The following PIK3C2A variants were observed in gnomAD, a reference collection of about 807,000 sequenced individuals.
PIK3C2A encodes the protein phosphatidylinositol 4-phosphate 3-kinase C2 domain-containing subunit alpha.
PIK3C2A carries 97 observed loss-of-function variants against 204.5 expected under a neutral mutation model. That is an observed-to-expected ratio of 0.47 (90% CI 0.40 to 0.56). The LOEUF is 0.56. PIK3C2A is among the 20% of genes least tolerant of loss of function. The probability of loss-of-function intolerance (pLI) is 0.00; values close to 1 mark genes in which losing one functional copy is unlikely to be tolerated. For synonymous variants in PIK3C2A, 653 were observed against 664.4 expected, an observed-to-expected ratio of 0.98 and a Z score of 0.26; for missense variants, 1,735 against 1,969.2, an observed-to-expected ratio of 0.88 and a Z score of 2.25.
chr11:17,160,123 T>A (rs777171967), intron 2 of PIK3C2A, among the ~76,000 whole-genome samples: 1 of 152,204 alleles, frequency 6.6e-6, no homozygotes, highest in Non-Finnish European at 1.5e-5. Context: ...AACATAAAAT[T>A]AACCATCACA....
At chr11:17,182,297 A>G (rs1482053125) in intron 1 of PIK3C2A, among the ~76,000 whole-genome samples, 1 of 151,872 alleles carries the variant, frequency 6.6e-6, no homozygotes, top group Non-Finnish European at 1.5e-5. Context: ...AGAATAATCT[A>G]CTCTTGGCTG....
chr11:17,094,218 T>C (rs754435705), intron 28 of PIK3C2A, 43 bp downstream of exon 28: 1 of 1,479,794 alleles, frequency 6.8e-7, no homozygotes, highest in Non-Finnish European at 9.3e-7. Flanking sequence ...GATAACAAGT[T>C]GTTTCCTACA....
rs566048048 is a variant in PIK3C2A at position 17,167,139 on chromosome 11, T to A, written c.1065+1538A>T. ...GAGTATGCCATCACGCCCAGCTAATTTTTTTGTAATTGTGTTAGAGACAGG... is the reference window on the plus strand; with the variant it reads ...GAGTATGCCATCACGCCCAGCTAATATTTTTGTAATTGTGTTAGAGACAGG... On this transcript the variant is annotated intron_variant, in intron 2 of 32. Coordinates refer to ENST00000691414, the MANE Select transcript of PIK3C2A (RefSeq NM_002645.4). 1.6e-3 allele frequency among the ~76,000 whole-genome samples: 243 copies of A among 152,178 alleles called. 5 individuals carry two copies. The highest frequency in any genetic ancestry group is 0.013 in the Admixed American group (205 of 15,280).
rs374090887 is a variant in PIK3C2A, at chr11:17,089,800, C to G, written c.4999G>C (p.Asp1667His). 1.2e-6 allele frequency: 2 copies of G among 1,614,022 alleles called. No individual in the cohort carries two copies. Among genetic ancestry groups the G allele is most frequent in the Non-Finnish European group, 1.7e-6 (2 of 1,179,896 alleles). The change falls in exon 33 of 33, where the codon GAT (aspartate) becomes CAT (histidine). Residue 1667 changes from aspartate (D) to histidine (H), a missense_variant. Physicochemically the swap from Asp to His is moderately conservative, Grantham distance 81. Coordinates refer to ENST00000691414, the MANE Select transcript of PIK3C2A (RefSeq NM_002645.4). ...ACCGTCTCTTTGCTCAAGTTGAAAT[C>G]TTTCAAAGGCAGGGTTACTCCACCC... Reference protein sequence around the residue: ...FLGGVTLPLKDFNLSKETVKW... With the variant: ...FLGGVTLPLKHFNLSKETVKW...
At chr11:17,204,942 G>C (rs914466031) in intron 1 of PIK3C2A, among the ~76,000 whole-genome samples, 3 of 152,012 alleles carry the variant, frequency 2.0e-5, no homozygotes, top group Admixed American at 2.0e-4. Context: ...CTTTGGGAGG[G>C]CGAGGCGGGC....
rs546881331 is a variant in PIK3C2A at position 17,162,584 on chromosome 11, T to A, written c.1065+6093A>T. On this transcript the variant is annotated intron_variant, in intron 2 of 32. Transcript: ENST00000691414. ...GTGCCAATCACCAAGTTTCGGCCAA[T>A]CAAGGGTGGCCAACTGTTCAAAACC... Among the ~76,000 whole-genome samples, 3 of 152,282 alleles carry A rather than the reference T, an allele frequency of 2.0e-5. No individual in the cohort carries two copies. The South Asian group carries it at 6.2e-4, about 32-fold the overall frequency.
intron 25 of PIK3C2A, among the ~76,000 whole-genome samples, chr11:17,101,011 G>C (rs868270924): frequency 6.6e-6 from 1 of 152,054 alleles, no homozygotes; most frequent in African/African-American, 2.4e-5. Flanking sequence ...GCCTGCCTTG[G>C]GGTCCAGCTA....
At chr11:17,144,727 T>A (rs998911032) in intron 8 of PIK3C2A, among the ~76,000 whole-genome samples, 2 of 151,646 alleles carry the variant, frequency 1.3e-5, no homozygotes, top group African/African-American at 4.8e-5. Flanking sequence ...AAACCCCATC[T>A]CTACTAAAAA....
intron 2 of PIK3C2A, among the ~76,000 whole-genome samples, chr11:17,162,698 AC>A (rs1850817165): frequency 6.6e-6 from 1 of 152,122 alleles, no homozygotes; most frequent in African/African-American, 2.4e-5. Context: ...TCCTTTTCTG[AC>A]CATAAATCTT....
intron 2 of PIK3C2A, among the ~76,000 whole-genome samples, chr11:17,158,933 G>C (rs1235949296): frequency 6.6e-6 from 1 of 152,106 alleles, no homozygotes; most frequent in Non-Finnish European, 1.5e-5. Flanking sequence ...ATAGAATCTG[G>C]AAAGTTAACT....
chr11:17,158,114 C>A (rs975113150), intron 2 of PIK3C2A, among the ~76,000 whole-genome samples: 9 of 152,110 alleles, frequency 5.9e-5, no homozygotes, highest in African/African-American at 1.9e-4. Flanking sequence ...CTTTGGGACG[C>A]CGAGGCAGGC....
chr11:17,109,526 A>C (rs1462690632), intron 22 of PIK3C2A, among the ~76,000 whole-genome samples: 1 of 152,246 alleles, frequency 6.6e-6, no homozygotes, highest in Admixed American at 6.5e-5. Flanking sequence ...TATTTTATAA[A>C]AATGAAATCA....
At chr11:17,098,675 A>G (rs1316131356) in intron 26 of PIK3C2A, among the ~76,000 whole-genome samples, 1 of 152,204 alleles carries the variant, frequency 6.6e-6, no homozygotes, top group African/African-American at 2.4e-5. Flanking sequence ...AAGGCTATAC[A>G]AAAGTCAGCT....
intron 28 of PIK3C2A, among the ~76,000 whole-genome samples, chr11:17,093,963 G>T (rs1437384538): frequency 6.6e-6 from 1 of 152,098 alleles, no homozygotes; most frequent in Non-Finnish European, 1.5e-5. Context: ...TCAAAACCAA[G>T]ATGCCAAATT....
intron 27 of PIK3C2A, among the ~76,000 whole-genome samples, chr11:17,096,487 A>G (rs1590897132): frequency 6.6e-6 from 1 of 152,224 alleles, no homozygotes; most frequent in East Asian, 1.9e-4. Flanking sequence ...GGACTATGCA[A>G]TAAAATGGTG....
chr11:17,099,185 G>A (rs1848544204), intron 26 of PIK3C2A, among the ~76,000 whole-genome samples: 1 of 152,196 alleles, frequency 6.6e-6, no homozygotes, highest in Non-Finnish European at 1.5e-5. Flanking sequence ...GTGAGCCACT[G>A]CGCCTGGCTG....
rs143281789 is a variant in PIK3C2A, at chr11:17,203,214, C to T, written c.-66+4634G>A. On this transcript the variant is annotated intron_variant, in intron 1 of 32. Coordinates refer to ENST00000691414, the MANE Select transcript of PIK3C2A (RefSeq NM_002645.4). ...TACATTAGAAAAACAGACTGCAGGC[C>T]GAGTGCAGTGGCTCATGCCTGTAAT... Among the ~76,000 whole-genome samples the T allele has an allele frequency of 4.7e-4, 72 of 151,890 alleles. No individual in the cohort carries two copies. The East Asian group carries it at 0.01, about 22-fold the overall frequency.
rs747669764 is a variant in PIK3C2A at position 17,094,402 on chromosome 11, C to A, written c.4327-17G>T. 7.6e-5 allele frequency: 122 copies of A among 1,595,630 alleles called. No individual in the cohort carries two copies. The highest frequency in any genetic ancestry group is 1.0e-4 in the Non-Finnish European group (119 of 1,167,834). The stretch of plus-strand genomic sequence containing the variant: ...TACATAAATCTGAAAAGAAATCACA[C>A]CACAAACACATAAAATTTATATTTA... On this transcript the variant is annotated splice_polypyrimidine_tract_variant and intron_variant, in intron 27 of 32. Coordinates refer to ENST00000691414, the MANE Select transcript of PIK3C2A (RefSeq NM_002645.4).
chr11:17,109,052 T>C (rs1021655387), intron 22 of PIK3C2A, among the ~76,000 whole-genome samples: 1 of 152,210 alleles, frequency 6.6e-6, no homozygotes, highest in Non-Finnish European at 1.5e-5. Context: ...CTACACAGGA[T>C]AGAATGAACC....
Sources: allele counts gnomAD v4.1 joint callset (sites outside exome capture counted in the v4.1 genomes callset), GRCh38; gene constraint gnomAD v4.1.1; transcripts MANE v1.5; gene names NCBI Gene and HGNC (gene_info 2026-07-23, HGNC 2026-07-21).